Variants in ZNF34 observed in about 807,000 individuals in gnomAD.
The protein encoded by ZNF34 is zinc finger protein 34 (KOX 32).
ZNF34 carries 8 observed loss-of-function variants against 14.4 expected under a neutral mutation model. The ratio of observed to expected loss-of-function variants is 0.55; its 90% CI spans 0.33 to 1.00. The LOEUF (loss-of-function observed/expected upper bound fraction) is 1.00. Among genes scored for constraint, ZNF34 ranks in the 50% least tolerant of loss-of-function variants. ZNF34 has a pLI of 0.03. For synonymous variants in ZNF34, 235 were observed against 247.9 expected (o/e 0.95, Z 0.49); for missense variants, 538 against 674.2 (o/e 0.80, Z 2.24).
At position 144,778,479 on chromosome 8, in the gene ZNF34, G is replaced by A; in HGVS notation, c.-8C>T. ...CAGGAACAAGGCCGCCATTGCCTGA[G>A]GGTTGGGCTTTCTGAGGGCAGTGAG... On this transcript the variant is annotated 5_prime_UTR_variant, in exon 3 of 6. Coordinates refer to ENST00000429371, the MANE Select transcript of ZNF34 (RefSeq NM_001286769.2). 1 of 1,593,342 alleles carries A rather than the reference G, an allele frequency of 6.3e-7. No homozygotes were observed. The highest frequency in any genetic ancestry group is 8.5e-7 in the Non-Finnish European group (1 of 1,170,290).
chr8:144,781,166 A>AAATAAATAAAT (rs1563791174), intron 1 of ZNF34, among the ~76,000 whole-genome samples: 5 of 141,376 alleles, frequency 3.5e-5, no homozygotes, highest in African/African-American at 1.3e-4. Flanking sequence ...AATAAATAAA[A>AAATAAATAAAT]ATAAAAATAA....
intron 1 of ZNF34, among the ~76,000 whole-genome samples, chr8:144,780,942 C>G (rs1315431246): frequency 1.3e-5 from 2 of 150,836 alleles, no homozygotes; most frequent in African/African-American, 4.9e-5. Flanking sequence ...CGAGACCATC[C>G]TGGCTGACGG....
At chr8:144,785,885 G>A (rs1442459858) in intron 1 of ZNF34, among the ~76,000 whole-genome samples, 3 of 151,902 alleles carry the variant, frequency 2.0e-5, no homozygotes, top group Non-Finnish European at 4.4e-5. Context: ...AGCAAAGTCA[G>A]AGTGGTGGAA....
chr8:144,774,687 G>A, intron 5 of ZNF34, 82 bp from the exon 6 acceptor site: 1 of 1,497,564 alleles, frequency 6.7e-7, no homozygotes, highest in Non-Finnish European at 8.9e-7. Flanking sequence ...CCACCTGTGG[G>A]GAACCAATTT....
Position 144,777,038 on chromosome 8 carries a change from T to G in ZNF34, c.280+420A>C, listed in dbSNP as rs1825566810. On this transcript the variant is annotated intron_variant, in intron 5 of 5. Coordinates refer to ENST00000429371, the MANE Select transcript of ZNF34 (RefSeq NM_001286769.2). The surrounding 1 kb of genome is among the most constrained non-coding windows in gnomAD (Gnocchi z 4.8). ...TAGTGAGATTCAGGGTGATGTGTAGTCTCTCACTTTTCCGCAGTGTATTAA... is the reference window on the plus strand; with the variant it reads ...TAGTGAGATTCAGGGTGATGTGTAGGCTCTCACTTTTCCGCAGTGTATTAA... Among the ~76,000 whole-genome samples, 1 of 151,392 alleles carries G rather than the reference T, an allele frequency of 6.6e-6. No homozygotes were observed. Among genetic ancestry groups the G allele is most frequent in the Non-Finnish European group, 1.5e-5 (1 of 67,826 alleles).
At chr8:144,785,398 T>C (rs966980608) in intron 1 of ZNF34, 3 of 152,046 alleles carry the variant, frequency 2.0e-5, no homozygotes, top group Non-Finnish European at 4.4e-5. Flanking sequence ...CAATTGGGTG[T>C]CCCCACTAAG....
chr8:144,780,720 C>T (rs549568448), intron 1 of ZNF34, among the ~76,000 whole-genome samples: 4 of 150,902 alleles, frequency 2.7e-5, no homozygotes, highest in Non-Finnish European at 4.4e-5. Flanking sequence ...ACCCGGGAGG[C>T]GGAGGTTGTA....
intron 1 of ZNF34, among the ~76,000 whole-genome samples, chr8:144,784,158 T>A: frequency 7.5e-6 from 1 of 133,682 alleles, no homozygotes; most frequent in Admixed American, 7.7e-5. Context: ...AGACTACGTC[T>A]CCAGAAAAAA....
rs750815056 is a variant in ZNF34, at chr8:144,774,074, C to T, written c.812G>A (p.Cys271Tyr). The change falls in exon 6 of 6, where the codon TGC (cysteine) becomes TAC (tyrosine). Residue 271 changes from cysteine to tyrosine, a missense_variant. This residue lies in a region of ZNF34 where 431 missense variants were observed against 525.7 expected (regional missense o/e 0.82). Coordinates refer to ENST00000429371, the MANE Select transcript of ZNF34 (RefSeq NM_001286769.2). Reference sequence around the variant, plus strand: ...CATCCTTCGGTGATTGATGAACTCGCAGCTCTGGCTGAAGGCTTTCCCACA... The same window carrying T: ...CATCCTTCGGTGATTGATGAACTCGTAGCTCTGGCTGAAGGCTTTCCCACA... ...DECGKAFSQS[C>Y]EFINHRRMHS... The T allele has an allele frequency of 1.2e-6, 2 of 1,613,620 alleles. No homozygotes were observed. The highest frequency in any genetic ancestry group is 2.2e-5 in the East Asian group (1 of 44,840).
At chr8:144,774,949 G>A (rs893084723) in intron 5 of ZNF34, among the ~76,000 whole-genome samples, 2 of 152,210 alleles carry the variant, frequency 1.3e-5, no homozygotes, top group Non-Finnish European at 2.9e-5. Flanking sequence ...GGATTGATTA[G>A]TCCTGGCCCC....
chr8:144,774,027 G>A lies in ZNF34; in HGVS notation c.859C>T (p.Arg287Trp), dbSNP rs1351190662. ...AATGTCTTCCCACACTCGTCACACCGGTAGGGAATCTCTCCTGAGTGCATC... is the reference window on the plus strand; with the variant it reads ...AATGTCTTCCCACACTCGTCACACCAGTAGGGAATCTCTCCTGAGTGCATC... Reference protein sequence around the residue: ...RRMHSGEIPYRCDECGKTFTR... With the variant: ...RRMHSGEIPYWCDECGKTFTR... Residue 287 changes from arginine (R) to tryptophan (W), a missense_variant, in exon 6 of 6, where the codon CGG (arginine) becomes TGG (tryptophan). Transcript: ENST00000429371. 21 of 1,613,892 alleles carry A rather than the reference G, an allele frequency of 1.3e-5. No individual in the cohort carries two copies. Among genetic ancestry groups the A allele is most frequent in the South Asian group, 2.2e-5 (2 of 91,064 alleles).
intron 5 of ZNF34, among the ~76,000 whole-genome samples, chr8:144,774,873 T>C (rs1442306710): frequency 3.3e-5 from 5 of 151,662 alleles, no homozygotes; most frequent in Non-Finnish European, 7.4e-5. Context: ...GAATGGAGAG[T>C]GACAAGTACC....
At position 144,773,994 on chromosome 8, in the gene ZNF34, T is replaced by G. The variant is rs1825332716; in HGVS notation, c.892A>C (p.Arg298=). 1 of 1,614,020 alleles carries G rather than the reference T, an allele frequency of 6.2e-7. No homozygotes were observed. The highest frequency in any genetic ancestry group is 1.7e-5 in the Admixed American group (1 of 59,984). Reference sequence around the variant, plus strand: ...CTCTGGTGCTTCATGAGGTTGGGCCTCCGGGTGAATGTCTTCCCACACTCG... The same window carrying G: ...CTCTGGTGCTTCATGAGGTTGGGCCGCCGGGTGAATGTCTTCCCACACTCG... ...CDECGKTFTR[R]PNLMKHQRIH... is the part of the protein sequence containing the mutation. The change falls in exon 6 of 6, where the codon AGG becomes CGG. Residue 298 remains arginine, a synonymous_variant. Transcript: ENST00000429371. The surrounding 1 kb of genome is among the most constrained non-coding windows in gnomAD (Gnocchi z 5.4).
intron 5 of ZNF34, among the ~76,000 whole-genome samples, chr8:144,775,298 G>A (rs1475782595): frequency 6.6e-6 from 1 of 152,216 alleles, no homozygotes; most frequent in East Asian, 1.9e-4. Context: ...TGCTGGAGCT[G>A]CTGCTTTGGA....
At chr8:144,780,373 G>T in intron 1 of ZNF34, 93 bp from the exon 2 acceptor site, 1 of 964,120 alleles carries the variant, frequency 1.0e-6, no homozygotes, top group Non-Finnish European at 1.6e-6. Context: ...TATCTTTTCT[G>T]TATCTTTAAA....
chr8:144,778,002 G>A (rs1461449128), intron 4 of ZNF34, 36 bp downstream of exon 4: 1 of 1,610,926 alleles, frequency 6.2e-7, no homozygotes. Context: ...AGCCCCCAGG[G>A]CTGTTCCCAG....
chr8:144,777,951 C>T lies in ZNF34; in HGVS notation c.160+87G>A. The T allele has an allele frequency of 1.3e-6, 2 of 1,561,374 alleles. No individual in the cohort carries two copies. ...GATAAAGGTCATCACCTATCTGTGCCCAGGGGGTGAGGCCCCTAGCCCAGC... is the reference window on the plus strand; with the variant it reads ...GATAAAGGTCATCACCTATCTGTGCTCAGGGGGTGAGGCCCCTAGCCCAGC... On this transcript the variant is annotated intron_variant, in intron 4 of 5. Transcript: ENST00000429371. The surrounding 1 kb of genome is among the most constrained non-coding windows in gnomAD (Gnocchi z 4.8).
intron 1 of ZNF34, among the ~76,000 whole-genome samples, chr8:144,780,994 G>A (rs1373110495): frequency 6.6e-6 from 1 of 150,914 alleles, no homozygotes; most frequent in African/African-American, 2.4e-5. Context: ...AAATTAGCCG[G>A]GCGTGGTGGC....
At chr8:144,776,805 G>A (rs534549297) in intron 5 of ZNF34, among the ~76,000 whole-genome samples, 26 of 151,224 alleles carry the variant, frequency 1.7e-4, no homozygotes, top group African/African-American at 4.4e-4. Flanking sequence ...CCAGCTACTC[G>A]GGAGGCTGAG....
Sources: allele counts gnomAD v4.1 joint callset (sites outside exome capture counted in the v4.1 genomes callset), GRCh38; gene constraint gnomAD v4.1.1; regional missense constraint gnomAD v4.1.1; non-coding constraint Gnocchi (gnomAD v3.1); transcripts MANE v1.5; gene names NCBI Gene and HGNC (gene_info 2026-07-23, HGNC 2026-07-21).